The following GPC6 variants were observed in gnomAD, a reference collection of about 807,000 sequenced individuals.
The protein encoded by GPC6 is glypican 6.
A neutral mutation model predicts 55.2 loss-of-function variants in GPC6; 14 were observed. That is an observed-to-expected ratio of 0.25 (90% CI 0.17 to 0.40). The LOEUF (loss-of-function observed/expected upper bound fraction) is 0.40, where lower values mean the gene tolerates loss of function less well. Ranked by LOEUF, GPC6 falls within the 10% of genes least tolerant of loss-of-function variation. GPC6 has a pLI of 1.00. For missense variants in GPC6, 641 were observed against 708.5 expected, an observed-to-expected ratio of 0.90 and a Z score of 1.08; for synonymous variants, 278 against 259.6, an observed-to-expected ratio of 1.07 and a Z score of -0.68.
intron 4 of GPC6, among the ~76,000 whole-genome samples, chr13:94,251,801 C>G (rs1594099212): frequency 2.0e-5 from 3 of 150,340 alleles, no homozygotes; most frequent in Admixed American, 6.6e-5. Flanking sequence ...TTTTTTTTCA[C>G]CACCAATTGT....
Position 93,386,948 on chromosome 13 carries a change from A to T in GPC6, c.161-158315A>T, listed in dbSNP as rs150044648. Among the ~76,000 whole-genome samples, 4 of 152,164 alleles carry T rather than the reference A, an allele frequency of 2.6e-5. No individual in the cohort carries two copies. In the East Asian group the frequency reaches 7.8e-4, roughly 30 times the overall value. ...CTTCTTCTGTCCTTTTCTGTCACTT[A>T]TGAGGGCATTCTCATTGGATTTAGG... On this transcript the variant is annotated intron_variant, in intron 1 of 8. Coordinates refer to ENST00000377047, the MANE Select transcript of GPC6 (RefSeq NM_005708.5).
At chr13:94,208,753 CAAAAAAA>C (rs762261930) in intron 4 of GPC6, among the ~76,000 whole-genome samples, 1 of 36,228 alleles carries the variant, frequency 2.8e-5, no homozygotes, top group Non-Finnish European at 5.2e-5. Flanking sequence ...TCCCATCTCC[CAAAAAAA>C]AAAAAAAAAA....
chr13:93,593,601 T>C (rs1877587006), intron 2 of GPC6, among the ~76,000 whole-genome samples: 1 of 152,136 alleles, frequency 6.6e-6, no homozygotes. Context: ...AATAATTGTA[T>C]TTCATTGCTT....
At chr13:93,768,193 C>T (rs1346722606) in intron 2 of GPC6, among the ~76,000 whole-genome samples, 2 of 152,184 alleles carry the variant, frequency 1.3e-5, no homozygotes, top group African/African-American at 4.8e-5. Context: ...GGCTGCAGCA[C>T]TTTTGCTCTA....
intron 2 of GPC6, among the ~76,000 whole-genome samples, chr13:93,601,121 G>T (rs1877999249): frequency 6.6e-6 from 1 of 151,952 alleles, no homozygotes. Context: ...GGGAGTGGTG[G>T]CTCACATCTG....
At chr13:93,511,669 A>G (rs147612158) in intron 1 of GPC6, among the ~76,000 whole-genome samples, 126 of 152,096 alleles carry the variant, frequency 8.3e-4, no homozygotes, top group African/African-American at 3.0e-3. Context: ...GTCTGGTTCC[A>G]TATGAATTTT....
intron 4 of GPC6, among the ~76,000 whole-genome samples, chr13:94,116,239 C>T (rs1404038525): frequency 1.3e-5 from 2 of 151,960 alleles, no homozygotes; most frequent in Non-Finnish European, 2.9e-5. Context: ...TACAGCACCC[C>T]CATTTACCAT....
rs139216864 is a variant in GPC6, at chr13:93,564,732, CTTG to C, written c.319+19314_319+19316del. On this transcript the variant is annotated intron_variant, in intron 2 of 8. Transcript: ENST00000377047. ...GTGACATTTGGATGTTGCAGAGTTT[CTTG>C]TTAAGTATATTTTGTACATGAATTA... Among the ~76,000 whole-genome samples, 1,245 of 152,178 alleles carry C rather than the reference CTTG, an allele frequency of 8.2e-3. 17 individuals carry two copies. Among genetic ancestry groups the C allele is most frequent in the African/African-American group, 0.028 (1,169 of 41,508 alleles).
intron 3 of GPC6, among the ~76,000 whole-genome samples, chr13:93,848,497 TG>T (rs1276749729): frequency 4.6e-5 from 7 of 152,256 alleles, no homozygotes. Flanking sequence ...TACCTTCTTT[TG>T]GGCATCCTAC....
intron 4 of GPC6, among the ~76,000 whole-genome samples, chr13:94,041,588 T>A (rs2138740183): frequency 6.6e-6 from 1 of 151,984 alleles, no homozygotes; most frequent in East Asian, 1.9e-4. Flanking sequence ...AATTTAGAAA[T>A]CTTAACATTC....
At chr13:94,156,620 C>A (rs1411870840) in intron 4 of GPC6, among the ~76,000 whole-genome samples, 2 of 152,120 alleles carry the variant, frequency 1.3e-5, no homozygotes, top group Non-Finnish European at 1.5e-5. Context: ...TCTATGAATA[C>A]TTTGTGAGGC....
chr13:93,736,139 A>G (rs1883993096), intron 2 of GPC6, among the ~76,000 whole-genome samples: 1 of 152,224 alleles, frequency 6.6e-6, no homozygotes, highest in African/African-American at 2.4e-5. Flanking sequence ...GACACATACC[A>G]TATTATGGAA....
intron 3 of GPC6, among the ~76,000 whole-genome samples, chr13:93,994,640 G>A (rs1479016359): frequency 1.3e-5 from 2 of 152,132 alleles, no homozygotes. Flanking sequence ...AAGTGTTAGT[G>A]CTGTGACTGA....
chr13:93,746,915 G>C (rs1884417682), intron 2 of GPC6, among the ~76,000 whole-genome samples: 1 of 152,210 alleles, frequency 6.6e-6, no homozygotes, highest in Non-Finnish European at 1.5e-5. Flanking sequence ...ATGGAAAGAA[G>C]CCTTACGGCA....
chr13:94,065,973 C>T (rs1290399413), intron 4 of GPC6, among the ~76,000 whole-genome samples: 1 of 152,170 alleles, frequency 6.6e-6, no homozygotes, highest in Non-Finnish European at 1.5e-5. Context: ...AAGTTGAATG[C>T]TTGAGATATT....
intron 4 of GPC6, among the ~76,000 whole-genome samples, chr13:94,127,767 G>C (rs943603133): frequency 6.6e-6 from 1 of 152,160 alleles, no homozygotes; most frequent in African/African-American, 2.4e-5. Flanking sequence ...TGTGGATGAG[G>C]TTGCCACAGG....
At chr13:94,292,015 A>G (rs1216702069) in intron 5 of GPC6, among the ~76,000 whole-genome samples, 1 of 152,224 alleles carries the variant, frequency 6.6e-6, no homozygotes, top group Non-Finnish European at 1.5e-5. Flanking sequence ...GAAAAGCAAC[A>G]ATATTTATAA....
At chr13:94,196,615 T>C (rs138172704) in intron 4 of GPC6, among the ~76,000 whole-genome samples, 43 of 152,326 alleles carry the variant, frequency 2.8e-4, no homozygotes, top group South Asian at 6.2e-4. Context: ...GATTGCTGTT[T>C]GAGTTGAAAC....
intron 4 of GPC6, among the ~76,000 whole-genome samples, chr13:94,099,476 C>A (rs1343571056): frequency 1.3e-5 from 2 of 152,064 alleles, no homozygotes; most frequent in East Asian, 3.9e-4. Context: ...ACTCTATTTG[C>A]AAATGAACAA....
Sources: allele counts gnomAD v4.1 joint callset (sites outside exome capture counted in the v4.1 genomes callset), GRCh38; gene constraint gnomAD v4.1.1; transcripts MANE v1.5; gene names NCBI Gene and HGNC (gene_info 2026-07-23, HGNC 2026-07-21).